SMAD4: variants seen among roughly 807,000 people sequenced by gnomAD.
The protein encoded by SMAD4 is MAD homolog 4.
Under a neutral mutation model 63.2 loss-of-function variants are expected in SMAD4, and 7 were observed. The observed-to-expected ratio is 0.11, with a 90% CI of 0.06 to 0.21. The LOEUF is 0.21. Ranked by LOEUF, SMAD4 falls within the 10% of genes least tolerant of loss-of-function variation. The pLI, the probability that SMAD4 is intolerant of heterozygous loss-of-function variation, is 1.00. For missense variants in SMAD4, 312 were observed against 693.8 expected (o/e 0.45, Z 6.18); for synonymous variants, 215 against 235.4 (o/e 0.91, Z 0.79).
chr18:51,036,565 A>G (rs1231812272), intron 1 of SMAD4, among the ~76,000 whole-genome samples: 1 of 152,254 alleles, frequency 6.6e-6, no homozygotes, highest in Non-Finnish European at 1.5e-5. Flanking sequence ...GAATGTGTAT[A>G]GATGCTGAAA....
At chr18:51,046,647 G>A (rs1909552200) in intron 1 of SMAD4, among the ~76,000 whole-genome samples, 1 of 151,928 alleles carries the variant, frequency 6.6e-6, no homozygotes, top group Non-Finnish European at 1.5e-5. Context: ...ACTTGATTGA[G>A]CATGCCACTA....
At chr18:51,051,236 T>C (rs963540767) in intron 4 of SMAD4, 7 of 364,890 alleles carry the variant, frequency 1.9e-5, no homozygotes, top group South Asian at 8.6e-5. Flanking sequence ...TGCACTGTTA[T>C]TGATGGGATT....
rs2144481279 is a variant in SMAD4 at position 51,079,033 on chromosome 18, T to G, written c.*566T>G. 1 of 233,526 alleles carries G rather than the reference T, an allele frequency of 4.3e-6. No individual in the cohort carries two copies. Among genetic ancestry groups the G allele is most frequent in the East Asian group, 6.1e-5 (1 of 16,454 alleles). The allele number at this position is 233,526 out of a possible 1,614,324, so 14.5% of individuals were successfully genotyped here. On this transcript the variant is annotated 3_prime_UTR_variant, in exon 12 of 12. Coordinates refer to ENST00000342988, the MANE Select transcript of SMAD4 (RefSeq NM_005359.6). ...TTTCATCCAAAATATTTTTTGCAAG[T>G]TATATTAGTGAAGATGGTTTCAATT...
At position 51,034,441 on chromosome 18, in the gene SMAD4, G is replaced by A. The variant is rs1909144940; in HGVS notation, c.-128+3818G>A. ...TTTTTGTATTATTAGTAGAGGACGGGGTTTCACCATTTTGGGCAAGGCTAG... is the reference window on the plus strand; with the variant it reads ...TTTTTGTATTATTAGTAGAGGACGGAGTTTCACCATTTTGGGCAAGGCTAG... On this transcript the variant is annotated intron_variant, in intron 1 of 11. Transcript: ENST00000342988. Among the ~76,000 whole-genome samples the A allele has an allele frequency of 2.6e-5, 4 of 151,952 alleles. No individual in the cohort carries two copies. In the South Asian group the frequency reaches 8.3e-4, roughly 32 times the overall value.
chr18:51,083,697 C>G lies in SMAD4; in HGVS notation c.*5230C>G. The G allele has an allele frequency of 4.4e-6, 1 of 228,322 alleles. No homozygotes were observed. The highest frequency in any genetic ancestry group is 8.7e-6 in the Non-Finnish European group (1 of 114,924). The allele number at this position is 228,322 out of a possible 1,614,324, so 14.1% of individuals were successfully genotyped here. ...TGTGACCTTTGGGCAAGTCATTTAT[C>G]TTCTCTGGGCCTTAGTTGCCTCATC... On this transcript the variant is annotated 3_prime_UTR_variant, in exon 12 of 12. Coordinates refer to ENST00000342988, the MANE Select transcript of SMAD4 (RefSeq NM_005359.6).
At position 51,081,386 on chromosome 18, in the gene SMAD4, A is replaced by G. The variant is rs183785604; in HGVS notation, c.*2919A>G. ...ATGGTGTTGCCTTTATTTTCCGGGG[A>G]GTAGATCGTGGGATATAGTCTATCT... On this transcript the variant is annotated 3_prime_UTR_variant, in exon 12 of 12. Transcript: ENST00000342988. 84 of 230,016 alleles carry G rather than the reference A, an allele frequency of 3.7e-4. No homozygotes were observed. The highest frequency in any genetic ancestry group is 1.9e-3 in the African/African-American group (84 of 45,224). The allele number at this position is 230,016 out of a possible 1,614,324, so 14.2% of individuals were successfully genotyped here. A position where few individuals can be genotyped will look rare whatever the true frequency, so the allele number is the denominator to read the frequency against.
intron 1 of SMAD4, among the ~76,000 whole-genome samples, chr18:51,036,167 G>C (rs1015227206): frequency 4.0e-5 from 6 of 151,806 alleles, no homozygotes; most frequent in African/African-American, 9.7e-5. Context: ...TTGTAGAAAT[G>C]GGGGGGCGGG....
chr18:51,044,377 A>G (rs1404521722), intron 1 of SMAD4, among the ~76,000 whole-genome samples: 1 of 152,044 alleles, frequency 6.6e-6, no homozygotes, highest in Admixed American at 6.5e-5. Flanking sequence ...CATTTTAGGA[A>G]AAATCTTCTT....
At chr18:51,076,830 T>G in intron 11 of SMAD4, 54 bp downstream of exon 11, 1 of 1,364,058 alleles carries the variant, frequency 7.3e-7, no homozygotes, top group Non-Finnish European at 1.0e-6. Context: ...ATTTTTATCT[T>G]GATTTACTCA....
chr18:51,040,105 C>T (rs1909328735), intron 1 of SMAD4, among the ~76,000 whole-genome samples: 1 of 152,074 alleles, frequency 6.6e-6, no homozygotes, highest in South Asian at 2.1e-4. Context: ...TTACCAGGCC[C>T]AGCTTTTTTC....
At chr18:51,073,746 G>C (rs1910396361) in intron 10 of SMAD4, among the ~76,000 whole-genome samples, 1 of 151,942 alleles carries the variant, frequency 6.6e-6, no homozygotes, top group Non-Finnish European at 1.5e-5. Flanking sequence ...GGCCAGGCTG[G>C]TCAGGAACTC....
intron 7 of SMAD4, 134 bp from the exon 8 acceptor site, chr18:51,059,732 C>T (rs2144432519): frequency 1.4e-6 from 1 of 703,684 alleles, no homozygotes; most frequent in Non-Finnish European, 2.5e-6. Context: ...CTTTTAAGTT[C>T]TTAGACATTG....
chr18:51,073,170 ATGT>A (rs1288823904), intron 10 of SMAD4, among the ~76,000 whole-genome samples: 9 of 151,782 alleles, frequency 5.9e-5, no homozygotes, highest in Non-Finnish European at 1.3e-4. Flanking sequence ...TGTGCTGCTG[ATGT>A]TAGCATAGAT....
intron 10 of SMAD4, among the ~76,000 whole-genome samples, chr18:51,072,633 C>T (rs561562570): frequency 2.8e-4 from 42 of 152,268 alleles, no homozygotes; most frequent in African/African-American, 8.9e-4. Flanking sequence ...CAAAATTTGA[C>T]TCCTGGTTGT....
At position 51,080,333 on chromosome 18, in the gene SMAD4, A is replaced by G. The variant is rs4940037; in HGVS notation, c.*1866A>G. ...TCATTTGTACTCTTGATTACTTACAAATTCTTTCAGTAAACACCTAATTTT... is the reference window on the plus strand; with the variant it reads ...TCATTTGTACTCTTGATTACTTACAGATTCTTTCAGTAAACACCTAATTTT... On this transcript the variant is annotated 3_prime_UTR_variant, in exon 12 of 12. Coordinates refer to ENST00000342988, the MANE Select transcript of SMAD4 (RefSeq NM_005359.6). 4.3e-3 allele frequency: 999 copies of G among 232,054 alleles called. 16 individuals are homozygous for G. Among genetic ancestry groups the G allele is most frequent in the East Asian group, 0.037 (605 of 16,332 alleles). 14.4% of individuals were successfully genotyped at this position (232,054 alleles called of 1,614,324 possible). A position where few individuals can be genotyped will look rare whatever the true frequency, so the allele number is the denominator to read the frequency against.
chr18:51,056,025 A>T (rs779100192), intron 5 of SMAD4, among the ~76,000 whole-genome samples: 10 of 152,330 alleles, frequency 6.6e-5, no homozygotes, highest in Non-Finnish European at 1.5e-4. Flanking sequence ...TTGGTTTGCT[A>T]TCTAAGAGAT....
At chr18:51,034,980 A>C (rs532280382) in intron 1 of SMAD4, among the ~76,000 whole-genome samples, 2 of 152,318 alleles carry the variant, frequency 1.3e-5, no homozygotes, top group East Asian at 3.9e-4. Context: ...GCAGTGATTG[A>C]GTCATTAGGG....
intron 1 of SMAD4, among the ~76,000 whole-genome samples, chr18:51,043,853 A>T (rs1018673768): frequency 2.6e-5 from 4 of 152,242 alleles, no homozygotes; most frequent in Middle Eastern, 3.2e-3. Context: ...AATGACTTCA[A>T]AAGTGTCTGC....
intron 10 of SMAD4, among the ~76,000 whole-genome samples, chr18:51,067,486 C>T (rs572437603): frequency 6.6e-6 from 1 of 152,034 alleles, no homozygotes; most frequent in Non-Finnish European, 1.5e-5. Context: ...GATCTCGGCT[C>T]ACTGCAACCT....
Sources: gnomAD v4.1 joint callset for allele counts (sites outside exome capture counted in the v4.1 genomes callset) on GRCh38, gnomAD v4.1.1 for gene constraint, MANE v1.5 for transcripts, NCBI Gene and HGNC (gene_info 2026-07-23, HGNC 2026-07-21) for gene names.